KIAA0930: variants seen among roughly 807,000 people sequenced by gnomAD.
KIAA0930 encodes KIAA0930.
Under a neutral mutation model 43.9 loss-of-function variants are expected in KIAA0930, and 24 were observed. The ratio of observed to expected loss-of-function variants is 0.55; its 90% CI spans 0.40 to 0.77. The LOEUF (loss-of-function observed/expected upper bound fraction) is 0.77. Ranked by LOEUF, KIAA0930 falls within the 30% of genes least tolerant of loss-of-function variation. KIAA0930 has a pLI of 0.00. For synonymous variants in KIAA0930, 259 were observed against 216.4 expected, an observed-to-expected ratio of 1.20 and a Z score of -1.73; for missense variants, 461 against 574.2, an observed-to-expected ratio of 0.80 and a Z score of 2.02.
rs78808751 is a variant in KIAA0930, at chr22:45,213,538, C to T, written c.65-1431G>A. Reference sequence around the variant, plus strand: ...TGCAGAGTCGCTTTGAAATTCCTGCCGCGTTTTTGCAACAGGCAAAGCCCA... The same window carrying T: ...TGCAGAGTCGCTTTGAAATTCCTGCTGCGTTTTTGCAACAGGCAAAGCCCA... On this transcript the variant is annotated intron_variant, in intron 1 of 9. Coordinates refer to ENST00000336156, the MANE Select transcript of KIAA0930 (RefSeq NM_001009880.2). 7.8e-4 allele frequency: 907 copies of T among 1,162,772 alleles called. 8 individuals carry two copies. The African/African-American group carries it at 0.013, about 17-fold the overall frequency. 72.0% of individuals were successfully genotyped at this position (1,162,772 alleles called of 1,614,324 possible).
intron 1 of KIAA0930, among the ~76,000 whole-genome samples, chr22:45,229,046 C>A (rs759606294): frequency 4.4e-4 from 29 of 65,488 alleles, no homozygotes; most frequent in East Asian, 1.5e-3. Flanking sequence ...TCCACCCCCC[C>A]ACCACCAAAC....
At chr22:45,205,441 GGAGAT>G (rs2083627831) in intron 4 of KIAA0930, 123 bp from the exon 5 acceptor site, 2 of 925,972 alleles carry the variant, frequency 2.2e-6, no homozygotes, top group Non-Finnish European at 1.7e-6. Flanking sequence ...AGACCTACCA[GGAGAT>G]GTGGGGGATA....
chr22:45,199,849 C>T, intron 8 of KIAA0930, 24 bp downstream of exon 8: 2 of 1,535,526 alleles, frequency 1.3e-6, no homozygotes, highest in Non-Finnish European at 1.8e-6. Flanking sequence ...CACGGGGACC[C>T]TAGGGCACGG....
chr22:45,229,406 G>A (rs889216954), intron 1 of KIAA0930, among the ~76,000 whole-genome samples: 12 of 115,848 alleles, frequency 1.0e-4, no homozygotes, highest in Non-Finnish European at 1.8e-5. Context: ...CACTCCCAGG[G>A]GCCTGCGCCC....
chr22:45,220,540 TGAA>T (rs1177499860), intron 1 of KIAA0930, among the ~76,000 whole-genome samples: 3 of 152,194 alleles, frequency 2.0e-5, no homozygotes, highest in Admixed American at 2.0e-4. Context: ...CCACAGATGC[TGAA>T]GGAGCATTCA....
intron 1 of KIAA0930, among the ~76,000 whole-genome samples, chr22:45,236,690 C>A (rs979313169): frequency 1.3e-5 from 2 of 152,180 alleles, no homozygotes; most frequent in African/African-American, 4.8e-5. Context: ...CAAGATTCGG[C>A]CACTTCCTAG....
rs941569889 is a variant in KIAA0930, at chr22:45,196,059, C to G, written c.*1117G>C. 23 of 152,132 alleles carry G rather than the reference C, an allele frequency of 1.5e-4. No individual in the cohort carries two copies. Among genetic ancestry groups the G allele is most frequent in the Admixed American group, 1.2e-3 (19 of 15,270 alleles). The allele number at this position is 152,132 out of a possible 1,614,324, so 9.4% of individuals were successfully genotyped here. A position where few individuals can be genotyped will look rare whatever the true frequency, so the allele number is the denominator to read the frequency against. ...AAGAGACCCAGCTTCCAGTTTATTC[C>G]CAGTTGGGTAGGGGACAGGCCTGCT... On this transcript the variant is annotated 3_prime_UTR_variant, in exon 10 of 10. Coordinates refer to ENST00000336156, the MANE Select transcript of KIAA0930 (RefSeq NM_001009880.2). This position sits in a 1 kb window ranked among gnomAD's most constrained non-coding sequence, Gnocchi z 4.1.
intron 2 of KIAA0930, among the ~76,000 whole-genome samples, chr22:45,209,625 C>T (rs1014059114): frequency 3.3e-5 from 5 of 152,224 alleles, no homozygotes; most frequent in African/African-American, 1.2e-4. Flanking sequence ...CCACCGCCGC[C>T]CTGCTCCTCT....
At chr22:45,200,779 ACAGACT>A (rs1441248101) in intron 7 of KIAA0930, among the ~76,000 whole-genome samples, 9 of 152,236 alleles carry the variant, frequency 5.9e-5, no homozygotes, top group African/African-American at 1.9e-4. Context: ...TGCTGGGGTG[ACAGACT>A]CAGAGAGTGA....
At chr22:45,205,484 T>A (rs1222004511) in intron 4 of KIAA0930, 146 bp downstream of exon 4, 3 of 894,532 alleles carry the variant, frequency 3.4e-6, no homozygotes, top group Admixed American at 2.1e-5. Context: ...TCGAATGGGA[T>A]ACGGGATCCC....
chr22:45,197,552 C>T (rs541593491), intron 9 of KIAA0930, among the ~76,000 whole-genome samples: 1 of 152,314 alleles, frequency 6.6e-6, no homozygotes, highest in South Asian at 2.1e-4. Flanking sequence ...GCATCTGTGG[C>T]CACTCAAGAG....
At chr22:45,201,529 G>T (rs1032388727) in intron 7 of KIAA0930, among the ~76,000 whole-genome samples, 2 of 152,178 alleles carry the variant, frequency 1.3e-5, no homozygotes, top group Non-Finnish European at 2.9e-5. Context: ...CCACATCTTC[G>T]TAAGGACTTT....
intron 8 of KIAA0930, 62 bp downstream of exon 8, chr22:45,199,811 T>A: frequency 7.4e-7 from 1 of 1,346,992 alleles, no homozygotes; most frequent in Non-Finnish European, 9.9e-7. Flanking sequence ...AATGAATGAC[T>A]GGTCTGGATC....
At chr22:45,211,860 A>T in intron 2 of KIAA0930, 96 bp downstream of exon 2, 1 of 1,228,384 alleles carries the variant, frequency 8.1e-7, no homozygotes, top group Non-Finnish European at 1.2e-6. Context: ...TTTGATATGC[A>T]TGAGCACTGT....
chr22:45,223,027 T>C (rs540114495), intron 1 of KIAA0930, among the ~76,000 whole-genome samples: 1 of 152,252 alleles, frequency 6.6e-6, no homozygotes, highest in East Asian at 1.9e-4. Flanking sequence ...CACAAACGCA[T>C]TTTACCTCTG....
chr22:45,203,505 CG>C (rs2083608409), intron 6 of KIAA0930, among the ~76,000 whole-genome samples: 1 of 152,064 alleles, frequency 6.6e-6, no homozygotes, highest in Non-Finnish European at 1.5e-5. Flanking sequence ...GGGGGCGACT[CG>C]GAGCACTCCC....
chr22:45,215,460 A>G (rs1447917762), intron 1 of KIAA0930, among the ~76,000 whole-genome samples: 1 of 152,216 alleles, frequency 6.6e-6, no homozygotes, highest in Non-Finnish European at 1.5e-5. Context: ...GGCCTTCTGC[A>G]CAAAAACATT....
rs567115957 is a variant in KIAA0930, at chr22:45,195,521, A to G, written c.*1655T>C. On this transcript the variant is annotated 3_prime_UTR_variant, in exon 10 of 10. Coordinates refer to ENST00000336156, the MANE Select transcript of KIAA0930 (RefSeq NM_001009880.2). ...TCCCCACACTTTGGGGCATGACATGACCTGGCTCTGTGCTGCCCTAAGACA... is the reference window on the plus strand; with the variant it reads ...TCCCCACACTTTGGGGCATGACATGGCCTGGCTCTGTGCTGCCCTAAGACA... The G allele has an allele frequency of 2.6e-5, 4 of 152,462 alleles. No homozygotes were observed. The South Asian group carries it at 8.3e-4, about 32-fold the overall frequency. The allele number at this position is 152,462 out of a possible 1,614,324, so 9.4% of individuals were successfully genotyped here.
intron 1 of KIAA0930, among the ~76,000 whole-genome samples, chr22:45,217,360 CAAAAAAAAAAA>C (rs58492110): frequency 1.5e-5 from 1 of 68,698 alleles, no homozygotes; most frequent in Non-Finnish European, 2.6e-5. Flanking sequence ...GACCCCGTCT[CAAAAAAAAAAA>C]AAAAAAAAAA....
Sources: gnomAD v4.1 joint callset for allele counts (sites outside exome capture counted in the v4.1 genomes callset) on GRCh38, gnomAD v4.1.1 for gene constraint, Gnocchi (gnomAD v3.1) non-coding constraint, MANE v1.5 for transcripts, NCBI Gene and HGNC (gene_info 2026-07-23, HGNC 2026-07-21) for gene names.